The following SYN3 variants were observed in gnomAD, a reference collection of about 807,000 sequenced individuals.
The protein encoded by SYN3 is synapsin III, also known as synapsin-3.
A neutral mutation model predicts 65.8 loss-of-function variants in SYN3; 35 were observed. The observed-to-expected ratio is 0.53, with a 90% CI of 0.41 to 0.70. The LOEUF (loss-of-function observed/expected upper bound fraction) is 0.70. Among genes scored for constraint, SYN3 ranks in the 30% least tolerant of loss-of-function variants. The pLI, the probability that SYN3 is intolerant of heterozygous loss-of-function variation, is 0.00. For missense variants in SYN3, 680 were observed against 749.0 expected (o/e 0.91, Z 1.08); for synonymous variants, 270 against 292.9 (o/e 0.92, Z 0.80).
intron 6 of SYN3, among the ~76,000 whole-genome samples, chr22:32,694,370 GCC>G (rs1180615109): frequency 1.3e-5 from 2 of 152,108 alleles, no homozygotes. Flanking sequence ...CTAACCAGGA[GCC>G]CCTCAGCTGT....
chr22:32,833,750 A>G, intron 6 of SYN3: 1 of 496,456 alleles, frequency 2.0e-6, no homozygotes, highest in Non-Finnish European at 4.0e-6. Flanking sequence ...TCTTCTTTAC[A>G]GGCCTCGATT....
At chr22:32,885,624 G>A (rs532227582) in intron 4 of SYN3, among the ~76,000 whole-genome samples, 2 of 151,794 alleles carry the variant, frequency 1.3e-5, no homozygotes, top group African/African-American at 4.8e-5. Context: ...GCAGTGGCAC[G>A]ATCTCAGCTC....
At chr22:32,689,480 TCTC>T (rs1262925232) in intron 6 of SYN3, among the ~76,000 whole-genome samples, 3 of 152,204 alleles carry the variant, frequency 2.0e-5, no homozygotes, top group Non-Finnish European at 4.4e-5. Context: ...TCTGTGATCT[TCTC>T]CTGCTCTAAA....
chr22:32,871,512 C>T (rs940295920), intron 4 of SYN3, among the ~76,000 whole-genome samples: 6 of 152,212 alleles, frequency 3.9e-5, no homozygotes, highest in African/African-American at 1.4e-4. Flanking sequence ...CCTCAAAAGG[C>T]GTCTCTCTTT....
At chr22:32,927,262 ACT>A (rs1491420937) in intron 4 of SYN3, among the ~76,000 whole-genome samples, 4 of 115,746 alleles carry the variant, frequency 3.5e-5, no homozygotes, top group Non-Finnish European at 6.9e-5. Context: ...TAATATATTT[ACT>A]TTTTTTTTTT....
chr22:32,681,156 CAG>C, intron 6 of SYN3, among the ~76,000 whole-genome samples: 1 of 152,084 alleles, frequency 6.6e-6, no homozygotes. Flanking sequence ...GCAGAGTCGA[CAG>C]GGGTTGCAGA....
intron 3 of SYN3, 23 bp downstream of exon 3, chr22:32,980,622 C>T (rs1387071171): frequency 4.3e-6 from 7 of 1,613,010 alleles, no homozygotes; most frequent in Admixed American, 1.7e-5. Flanking sequence ...GTTGACAGTG[C>T]TAAAGACACA....
At chr22:32,878,194 G>A (rs2049031275) in intron 4 of SYN3, among the ~76,000 whole-genome samples, 1 of 152,114 alleles carries the variant, frequency 6.6e-6, no homozygotes, top group African/African-American at 2.4e-5. Context: ...TGGACCCCAA[G>A]TCATCAGCTT....
At chr22:32,579,909 T>A (rs1177884225) in intron 7 of SYN3, among the ~76,000 whole-genome samples, 1 of 152,250 alleles carries the variant, frequency 6.6e-6, no homozygotes. Flanking sequence ...TTGAGTCATA[T>A]AAACCACATG....
chr22:32,986,405 G>C (rs536688143), intron 2 of SYN3, among the ~76,000 whole-genome samples: 62 of 152,306 alleles, frequency 4.1e-4, no homozygotes, highest in African/African-American at 1.4e-3. Context: ...AGAAACATTT[G>C]TTTTGCCCAT....
chr22:32,974,984 C>T (rs2052139462), intron 3 of SYN3, among the ~76,000 whole-genome samples: 1 of 152,124 alleles, frequency 6.6e-6, no homozygotes, highest in South Asian at 2.1e-4. Context: ...TCTGGAGCCA[C>T]GATCTTAACC....
intron 7 of SYN3, among the ~76,000 whole-genome samples, chr22:32,581,808 T>C (rs2058949867): frequency 7.0e-6 from 1 of 142,812 alleles, no homozygotes. Context: ...TTTTTTTTTT[T>C]TTTTTTGAGA....
intron 6 of SYN3, among the ~76,000 whole-genome samples, chr22:32,758,787 C>T (rs28647387): frequency 6.8e-6 from 1 of 147,940 alleles, no homozygotes; most frequent in South Asian, 2.2e-4. Context: ...GAATTAGGTT[C>T]TAGGCTCAGA....
intron 6 of SYN3, among the ~76,000 whole-genome samples, chr22:32,617,875 G>A (rs1184670926): frequency 2.0e-5 from 3 of 151,916 alleles, no homozygotes; most frequent in African/African-American, 4.8e-5. Context: ...CTAGGTGGGC[G>A]ACCTGCCTTC....
At chr22:32,630,348 G>A (rs970585410) in intron 6 of SYN3, among the ~76,000 whole-genome samples, 1 of 152,180 alleles carries the variant, frequency 6.6e-6, no homozygotes, top group Non-Finnish European at 1.5e-5. Flanking sequence ...TGATCCTCCT[G>A]CCTCAGCCTT....
At chr22:32,784,689 A>C (rs1295458932) in intron 6 of SYN3, among the ~76,000 whole-genome samples, 2 of 152,238 alleles carry the variant, frequency 1.3e-5, no homozygotes, top group African/African-American at 4.8e-5. Flanking sequence ...GGTAACTAAC[A>C]ACAATGGTAA....
intron 6 of SYN3, among the ~76,000 whole-genome samples, chr22:32,806,992 T>C (rs1041013560): frequency 2.0e-5 from 3 of 151,842 alleles, no homozygotes; most frequent in Non-Finnish European, 4.4e-5. Context: ...ATACCACATA[T>C]AGTATTCTGC....
At chr22:32,922,214 G>A (rs1006859978) in intron 4 of SYN3, among the ~76,000 whole-genome samples, 2 of 152,172 alleles carry the variant, frequency 1.3e-5, no homozygotes, top group Non-Finnish European at 2.9e-5. Flanking sequence ...GCTTCTTTAA[G>A]CAGCTCTGCC....
intron 6 of SYN3, among the ~76,000 whole-genome samples, chr22:32,832,854 A>G (rs1340737619): frequency 6.6e-6 from 1 of 151,960 alleles, no homozygotes; most frequent in Non-Finnish European, 1.5e-5. Flanking sequence ...CAGCCTCCCA[A>G]GTAGCTGGGA....
Sources: allele counts gnomAD v4.1 joint callset (sites outside exome capture counted in the v4.1 genomes callset), GRCh38; gene constraint gnomAD v4.1.1; transcripts MANE v1.5; gene names NCBI Gene and HGNC (gene_info 2026-07-23, HGNC 2026-07-21).